RSRC1: variants seen among roughly 807,000 people sequenced by gnomAD.
RSRC1 encodes the protein serine/Arginine-related protein 53.
In RSRC1, 39 loss-of-function variants were observed where a neutral mutation model predicts 49.1. That is an observed-to-expected ratio of 0.79 (90% CI 0.61 to 1.04). RSRC1 has a LOEUF of 1.04. RSRC1 is among the 50% of genes least tolerant of loss of function. RSRC1 has a pLI of 0.00. For synonymous variants in RSRC1, 143 were observed against 130.8 expected (o/e 1.09, Z -0.63); for missense variants, 388 against 402.4 (o/e 0.96, Z 0.31).
At chr3:158,287,240 CAT>C (rs1250239384) in intron 4 of RSRC1, among the ~76,000 whole-genome samples, 1 of 151,934 alleles carries the variant, frequency 6.6e-6, no homozygotes, top group Non-Finnish European at 1.5e-5. Context: ...ATTATTGGGA[CAT>C]AATTTTATAG....
At chr3:158,218,867 C>G (rs1722090211) in intron 4 of RSRC1, among the ~76,000 whole-genome samples, 1 of 151,634 alleles carries the variant, frequency 6.6e-6, no homozygotes, top group Admixed American at 6.6e-5. Flanking sequence ...TAAAATGTGT[C>G]TGGCACTATT....
At chr3:158,331,752 A>T (rs1416405588) in intron 5 of RSRC1, among the ~76,000 whole-genome samples, 1 of 151,792 alleles carries the variant, frequency 6.6e-6, no homozygotes, top group East Asian at 1.9e-4. Context: ...ATGGCCTAAC[A>T]AATAAAAAAC....
At chr3:158,536,441 T>A (rs2108504808) in intron 7 of RSRC1, among the ~76,000 whole-genome samples, 1 of 151,572 alleles carries the variant, frequency 6.6e-6, no homozygotes, top group Middle Eastern at 3.4e-3. Flanking sequence ...TGTGTGGACC[T>A]TGTTTGGTTC....
intron 8 of RSRC1, among the ~76,000 whole-genome samples, chr3:158,538,159 G>A (rs576275590): frequency 6.6e-6 from 1 of 151,716 alleles, no homozygotes; most frequent in Non-Finnish European, 1.5e-5. Flanking sequence ...GTAAAAATTG[G>A]CCTGTTTCCA....
chr3:158,415,165 C>G (rs1440848455), intron 6 of RSRC1, among the ~76,000 whole-genome samples: 1 of 152,046 alleles, frequency 6.6e-6, no homozygotes, highest in Admixed American at 6.6e-5. Context: ...GATAGGAAAG[C>G]AGGAAATATG....
At chr3:158,237,815 T>C (rs762531174) in intron 4 of RSRC1, among the ~76,000 whole-genome samples, 4 of 152,178 alleles carry the variant, frequency 2.6e-5, no homozygotes, top group Non-Finnish European at 5.9e-5. Flanking sequence ...CTTGCCTGAT[T>C]GCCCTGGCCA....
At chr3:158,359,648 G>A (rs558735592) in intron 6 of RSRC1, among the ~76,000 whole-genome samples, 1 of 152,270 alleles carries the variant, frequency 6.6e-6, no homozygotes, top group South Asian at 2.1e-4. Context: ...CCCAAGGAGG[G>A]AGCCACAGTC....
intron 5 of RSRC1, among the ~76,000 whole-genome samples, chr3:158,354,071 A>T (rs1253375423): frequency 7.6e-6 from 1 of 131,254 alleles, no homozygotes; most frequent in Non-Finnish European, 1.5e-5. Context: ...ATCTTGGCTC[A>T]CTGCAACCTC....
At chr3:158,239,487 A>G (rs1019055660) in intron 4 of RSRC1, among the ~76,000 whole-genome samples, 10 of 152,170 alleles carry the variant, frequency 6.6e-5, no homozygotes, top group African/African-American at 1.9e-4. Flanking sequence ...CTGGATTAAG[A>G]AAATGTGGCA....
At chr3:158,543,621 C>A in intron 9 of RSRC1, 134 bp downstream of exon 9, 2 of 880,644 alleles carry the variant, frequency 2.3e-6, no homozygotes, top group Non-Finnish European at 3.4e-6. Context: ...TAAAAATAGG[C>A]ATCTGGCCCC....
At chr3:158,362,650 C>T (rs750999875) in intron 6 of RSRC1, among the ~76,000 whole-genome samples, 7 of 152,146 alleles carry the variant, frequency 4.6e-5, no homozygotes, top group Non-Finnish European at 8.8e-5. Context: ...GACAGTAAAA[C>T]ATGATTATTT....
intron 3 of RSRC1, among the ~76,000 whole-genome samples, chr3:158,158,663 G>A (rs1008050609): frequency 1.3e-5 from 2 of 152,086 alleles, no homozygotes; most frequent in Non-Finnish European, 2.9e-5. Flanking sequence ...GTGTTGGCTG[G>A]GCATAGTGGC....
chr3:158,342,447 A>G (rs543562557), intron 5 of RSRC1, among the ~76,000 whole-genome samples: 9 of 151,776 alleles, frequency 5.9e-5, no homozygotes, highest in African/African-American at 1.7e-4. Context: ...CTTCCTCCTC[A>G]TTTTTCTCTT....
intron 5 of RSRC1, among the ~76,000 whole-genome samples, chr3:158,310,395 A>G (rs1463128943): frequency 1.3e-5 from 2 of 151,750 alleles, no homozygotes; most frequent in Non-Finnish European, 3.0e-5. Flanking sequence ...TAATCATCAA[A>G]CTTTAATCAC....
At chr3:158,406,309 C>G (rs960125847) in intron 6 of RSRC1, among the ~76,000 whole-genome samples, 1 of 151,954 alleles carries the variant, frequency 6.6e-6, no homozygotes, top group Non-Finnish European at 1.5e-5. Context: ...AATAAACTAT[C>G]AATAATGAGT....
At chr3:158,241,318 G>A (rs1005631626) in intron 4 of RSRC1, among the ~76,000 whole-genome samples, 21 of 151,826 alleles carry the variant, frequency 1.4e-4, no homozygotes, top group Non-Finnish European at 1.6e-4. Flanking sequence ...ACATGGTAGC[G>A]CGCACCTGTA....
intron 6 of RSRC1, among the ~76,000 whole-genome samples, chr3:158,403,216 C>A (rs1342789814): frequency 6.6e-6 from 1 of 151,808 alleles, no homozygotes; most frequent in Non-Finnish European, 1.5e-5. Context: ...TAGGTATTTA[C>A]TATTTAGATA....
intron 4 of RSRC1, among the ~76,000 whole-genome samples, chr3:158,269,849 T>A (rs1230885616): frequency 6.6e-6 from 1 of 152,150 alleles, no homozygotes; most frequent in African/African-American, 2.4e-5. Context: ...ATTCCCTTAT[T>A]TTTTTTCTTT....
intron 3 of RSRC1, among the ~76,000 whole-genome samples, chr3:158,198,717 C>G (rs1263130872): frequency 1.3e-5 from 2 of 152,048 alleles, no homozygotes; most frequent in Non-Finnish European, 1.5e-5. Context: ...CTTGGTACCT[C>G]AGTTGGAAAT....
Sources: gnomAD v4.1 joint callset for allele counts (sites outside exome capture counted in the v4.1 genomes callset) on GRCh38, gnomAD v4.1.1 for gene constraint, MANE v1.5 for transcripts, NCBI Gene and HGNC (gene_info 2026-07-23, HGNC 2026-07-21) for gene names.